The following MICAL2 variants were observed in gnomAD, a reference collection of about 807,000 sequenced individuals.
The protein encoded by MICAL2 is [F-actin]-monooxygenase MICAL2.
Under a neutral mutation model 127.3 loss-of-function variants are expected in MICAL2, and 77 were observed. The ratio of observed to expected loss-of-function variants is 0.60; its 90% CI spans 0.50 to 0.73. MICAL2 has a LOEUF of 0.73. Ranked by LOEUF, MICAL2 falls within the 30% of genes least tolerant of loss-of-function variation. The pLI, the probability that MICAL2 is intolerant of heterozygous loss-of-function variation, is 0.00. For synonymous variants in MICAL2, 570 were observed against 551.1 expected (o/e 1.03, Z -0.48); for missense variants, 1,351 against 1,434.4 (o/e 0.94, Z 0.94).
At chr11:12,285,099 G>A (rs80001682) in intron 2 of MICAL2, among the ~76,000 whole-genome samples, 2,687 of 152,248 alleles carry the variant, frequency 0.018, 55 homozygotes, top group East Asian at 0.11. Flanking sequence ...AAGGGGTTCG[G>A]AAAATGGGGA....
At chr11:12,207,414 C>T (rs551771141) in intron 4 of MICAL2, among the ~76,000 whole-genome samples, 19 of 152,226 alleles carry the variant, frequency 1.2e-4, no homozygotes, top group African/African-American at 3.6e-4. Context: ...TGGAGGCATA[C>T]GCATTTGTGC....
chr11:12,322,603 A>C (rs1261267962), intron 30 of MICAL2, among the ~76,000 whole-genome samples: 1 of 152,228 alleles, frequency 6.6e-6, no homozygotes, highest in African/African-American at 2.4e-5. Flanking sequence ...AGAAATGTCT[A>C]GCATGCTCTA....
Position 12,238,428 on chromosome 11 carries a change from C to T in MICAL2, c.2065-1008C>T, listed in dbSNP as rs541836062. ...GGTCTACATCACCACTTATAAGTCACGTTGATATCATGCAGCCCGCTGTAC... is the reference window on the plus strand; with the variant it reads ...GGTCTACATCACCACTTATAAGTCATGTTGATATCATGCAGCCCGCTGTAC... On this transcript the variant is annotated intron_variant, in intron 16 of 27. Coordinates refer to ENST00000683283, the MANE Select transcript of MICAL2 (RefSeq NM_001282663.2). Among the ~76,000 whole-genome samples, 7 of 152,316 alleles carry T rather than the reference C, an allele frequency of 4.6e-5. No homozygotes were observed. In the South Asian group the frequency reaches 1.2e-3, roughly 27 times the overall value.
intron 2 of MICAL2, among the ~76,000 whole-genome samples, chr11:12,144,510 A>G (rs1852688334): frequency 6.6e-6 from 1 of 152,120 alleles, no homozygotes; most frequent in Admixed American, 6.5e-5. Flanking sequence ...AGCTTTCAGG[A>G]ATGTGGCCTC....
intron 1 of MICAL2, chr11:12,121,682 C>A (rs960910005): frequency 6.6e-6 from 1 of 152,182 alleles, no homozygotes; most frequent in African/African-American, 2.4e-5. Context: ...GCCCTCTGGC[C>A]ATCGTGGCCA....
intron 3 of MICAL2, among the ~76,000 whole-genome samples, chr11:12,176,431 C>T (rs182987604): frequency 1.6e-3 from 239 of 152,226 alleles, no homozygotes; most frequent in Middle Eastern, 0.01. Context: ...GCCCAGCAAC[C>T]GTTAATCGCC....
intron 18 of MICAL2, 112 bp from the exon 19 acceptor site, chr11:12,242,102 G>A: frequency 1.2e-6 from 1 of 855,280 alleles, no homozygotes; most frequent in Non-Finnish European, 1.8e-6. Flanking sequence ...ATCTTACTTA[G>A]GGTTGCACCT....
At chr11:12,145,942 A>G (rs917484767) in intron 2 of MICAL2, among the ~76,000 whole-genome samples, 1 of 152,226 alleles carries the variant, frequency 6.6e-6, no homozygotes, top group Non-Finnish European at 1.5e-5. Context: ...AGCTTCTGTA[A>G]TTGTATATCA....
At chr11:12,163,128 C>T (rs549725653) in intron 3 of MICAL2, among the ~76,000 whole-genome samples, 7 of 152,326 alleles carry the variant, frequency 4.6e-5, no homozygotes, top group South Asian at 4.1e-4. Context: ...TAAGCCTACA[C>T]GAACTGGTTG....
chr11:12,119,518 A>C (rs1158917185), intron 1 of MICAL2, among the ~76,000 whole-genome samples: 2 of 152,238 alleles, frequency 1.3e-5, no homozygotes, highest in Non-Finnish European at 2.9e-5. Flanking sequence ...AAGGAGGTGA[A>C]GGCAACTGGC....
In MICAL2 at chr11:12,214,747, A is replaced by G. The variant is rs550340680; in HGVS notation, c.847+1337A>G. ...TGTCCATTTCTTTACATAACTGTTG[A>G]TGGCTGCTTCCACCATGAGAGATCA... On this transcript the variant is annotated intron_variant, in intron 7 of 27. Coordinates refer to ENST00000683283, the MANE Select transcript of MICAL2 (RefSeq NM_001282663.2). 2.0e-5 allele frequency among the ~76,000 whole-genome samples: 3 copies of G among 152,296 alleles called. No individual in the cohort carries two copies. In the Middle Eastern group the frequency reaches 0.01, roughly 518 times the overall value.
downstream of MICAL2, chr11:12,293,583 C>T (rs1188724746): frequency 1.5e-5 from 24 of 1,612,630 alleles, no homozygotes; most frequent in Admixed American, 3.3e-5. Context: ...GAGCCCCTCT[C>T]GCAAGTCTCG....
chr11:12,285,451 G>A (rs879883538), intron 2 of MICAL2, among the ~76,000 whole-genome samples: 3 of 152,194 alleles, frequency 2.0e-5, no homozygotes, highest in Non-Finnish European at 4.4e-5. Flanking sequence ...TCTGGGGAAA[G>A]GGCTGTTATC....
intron 29 of MICAL2, among the ~76,000 whole-genome samples, chr11:12,316,365 G>A (rs6485653): frequency 0.24 from 36,655 of 149,716 alleles, 4,828 homozygotes; most frequent in East Asian, 0.45. Flanking sequence ...ATGATTTTCA[G>A]TGTATAGGTC....
chr11:12,144,849 G>A (rs1199638913), intron 2 of MICAL2, among the ~76,000 whole-genome samples: 1 of 152,132 alleles, frequency 6.6e-6, no homozygotes, highest in African/African-American at 2.4e-5. Flanking sequence ...AGGCATTTTT[G>A]TATTTGCCAT....
intron 3 of MICAL2, among the ~76,000 whole-genome samples, chr11:12,178,182 G>A (rs953714464): frequency 2.0e-5 from 3 of 152,198 alleles, no homozygotes; most frequent in Non-Finnish European, 2.9e-5. Flanking sequence ...ACTGGGTTCA[G>A]GGATCTTCCA....
chr11:12,165,843 C>T (rs1855448675), intron 3 of MICAL2, among the ~76,000 whole-genome samples: 1 of 152,206 alleles, frequency 6.6e-6, no homozygotes, highest in African/African-American at 2.4e-5. Flanking sequence ...AGAGCAGTGG[C>T]TCAGGTGCCA....
chr11:12,359,889 G>A (rs1303360661), downstream of MICAL2, among the ~76,000 whole-genome samples: 1 of 152,128 alleles, frequency 6.6e-6, no homozygotes, highest in Admixed American at 6.5e-5. Context: ...AGTTGGCTCT[G>A]ACTGGAGACC....
At position 12,258,532 on chromosome 11, in the gene MICAL2, G is replaced by A. The variant is rs377311550; in HGVS notation, c.3207G>A (p.Arg1069=). 1.5e-5 allele frequency: 24 copies of A among 1,613,932 alleles called. No homozygotes were observed. Among genetic ancestry groups the A allele is most frequent in the Non-Finnish European group, 2.0e-5 (24 of 1,180,016 alleles). The change falls in exon 25 of 28, where the codon CGG becomes CGA. Residue 1069 remains arginine (R), a synonymous_variant. Coordinates refer to ENST00000683283, the MANE Select transcript of MICAL2 (RefSeq NM_001282663.2). The part of the protein sequence containing the change: ...CKTNSKQRKR[R]AELKQQREEE... ...CCAATAGCAAACAACGGAAGAGACGGGCAGAGTTGAAGCAACAAAGAGAGG... is the reference window on the plus strand; with the variant it reads ...CCAATAGCAAACAACGGAAGAGACGAGCAGAGTTGAAGCAACAAAGAGAGG...
Sources: gnomAD v4.1 joint callset for allele counts (sites outside exome capture counted in the v4.1 genomes callset) on GRCh38, gnomAD v4.1.1 for gene constraint, MANE v1.5 for transcripts, NCBI Gene and HGNC (gene_info 2026-07-23, HGNC 2026-07-21) for gene names.